Variants in HORMAD2 observed in about 807,000 individuals in gnomAD.
HORMAD2 encodes HORMA domain containing 2, also known as HORMA domain-containing protein 2.
In HORMAD2, 45 loss-of-function variants were observed where a neutral mutation model predicts 38.8. The ratio of observed to expected loss-of-function variants is 1.16; its 90% CI spans 0.91 to 1.49. The LOEUF (loss-of-function observed/expected upper bound fraction) is 1.49. Ranked by LOEUF, HORMAD2 falls within the 40% of genes most tolerant of loss-of-function variation. The pLI, the probability that HORMAD2 is intolerant of heterozygous loss-of-function variation, is 0.00. For missense variants in HORMAD2, 338 were observed against 367.0 expected (o/e 0.92, Z 0.65); for synonymous variants, 126 against 122.8 (o/e 1.03, Z -0.17).
At chr22:30,182,136 AC>A in the HORMAD2 span, among the ~76,000 whole-genome samples, 1 of 152,170 alleles carries the variant, frequency 6.6e-6, no homozygotes. Flanking sequence ...CACCCTACTT[AC>A]TAGCTGTATG....
At chr22:30,141,315 G>C (rs2146180201) in intron 10 of HORMAD2, among the ~76,000 whole-genome samples, 1 of 152,156 alleles carries the variant, frequency 6.6e-6, no homozygotes. Context: ...TTTATTCTTT[G>C]ATCCATTGGT....
chr22:30,087,723 A>G (rs1215680643), intron 1 of HORMAD2, among the ~76,000 whole-genome samples: 2 of 123,702 alleles, frequency 1.6e-5, no homozygotes, highest in Non-Finnish European at 3.6e-5. Flanking sequence ...GAGAGAGAGG[A>G]AAAAAAAAAA....
chr22:30,122,033 A>G lies in HORMAD2; in HGVS notation c.638A>G (p.Lys213Arg), dbSNP rs772919728. The stretch of plus-strand genomic sequence containing the variant: ...AATTCACACTTCCTGCTGTTTGACA[A>G]GGAGCCTATCAACGTGCAAGTGGGA... The part of the protein sequence containing the change: ...GVNSHFLLFD[K>R]EPINVQVGFV... Residue 213 changes from lysine (K) to arginine (R), a missense_variant, in exon 10 of 11, where the codon AAG becomes AGG. Physicochemically the swap from Lys to Arg is conservative, Grantham distance 26. Coordinates refer to ENST00000336726, the MANE Select transcript of HORMAD2 (RefSeq NM_152510.4). The G allele has an allele frequency of 6.8e-6, 11 of 1,613,066 alleles. No homozygotes were observed. The highest frequency in any genetic ancestry group is 9.3e-6 in the Non-Finnish European group (11 of 1,179,666).
intron 3 of HORMAD2, among the ~76,000 whole-genome samples, chr22:30,102,929 C>G (rs1920962955): frequency 6.6e-6 from 1 of 152,076 alleles, no homozygotes; most frequent in South Asian, 2.1e-4. Context: ...CACACCCGGC[C>G]TAAACCCAAA....
the HORMAD2 span, among the ~76,000 whole-genome samples, chr22:30,183,580 C>G: frequency 5.9e-5 from 9 of 152,226 alleles, no homozygotes; most frequent in Non-Finnish European, 7.3e-5. Flanking sequence ...CTGCTTTTAT[C>G]TCAATTTCTG....
intron 10 of HORMAD2, among the ~76,000 whole-genome samples, chr22:30,155,064 C>A (rs1924979329): frequency 6.8e-6 from 1 of 148,058 alleles, no homozygotes; most frequent in Admixed American, 6.7e-5. Flanking sequence ...CAAAGTGAGA[C>A]CTTGCTTTTT....
At chr22:30,112,359 A>T (rs573120734) in intron 6 of HORMAD2, 137 bp from the exon 7 acceptor site, 6 of 588,444 alleles carry the variant, frequency 1.0e-5, no homozygotes, top group Non-Finnish European at 1.8e-5. Flanking sequence ...AAATAAGCAT[A>T]TCCTATCTCT....
upstream of HORMAD2, among the ~76,000 whole-genome samples, chr22:30,078,693 G>C (rs1200902901): frequency 6.6e-6 from 1 of 150,788 alleles, no homozygotes; most frequent in African/African-American, 2.5e-5. Flanking sequence ...TGTGTTTGCT[G>C]GTGGGGTAGA....
intron 10 of HORMAD2, among the ~76,000 whole-genome samples, chr22:30,175,678 C>T (rs970388195): frequency 6.6e-6 from 1 of 152,084 alleles, no homozygotes; most frequent in Admixed American, 6.6e-5. Context: ...TATGTCTCTG[C>T]TACCTGAAAT....
chr22:30,141,971 TG>T (rs1365807353), intron 10 of HORMAD2, among the ~76,000 whole-genome samples: 2 of 152,142 alleles, frequency 1.3e-5, no homozygotes, highest in African/African-American at 4.8e-5. Flanking sequence ...GTTTACGGGC[TG>T]GGTGCGATAG....
intron 5 of HORMAD2, among the ~76,000 whole-genome samples, chr22:30,106,072 G>A (rs538203574): frequency 1.3e-5 from 2 of 152,146 alleles, no homozygotes; most frequent in Non-Finnish European, 2.9e-5. Context: ...GTGCAGTGGC[G>A]CAAACTTGGC....
intron 10 of HORMAD2, among the ~76,000 whole-genome samples, chr22:30,174,791 A>C (rs776110225): frequency 6.6e-6 from 1 of 152,182 alleles, no homozygotes; most frequent in Non-Finnish European, 1.5e-5. Context: ...TAACAAATTC[A>C]TCTCCTAGAT....
At chr22:30,194,701 G>A in the HORMAD2 span, among the ~76,000 whole-genome samples, 5 of 152,146 alleles carry the variant, frequency 3.3e-5, no homozygotes, top group African/African-American at 9.7e-5. Context: ...AGGTCACAAC[G>A]GGGAACTGAC....
chr22:30,109,064 G>T (rs1444804621), intron 5 of HORMAD2, among the ~76,000 whole-genome samples: 1 of 138,266 alleles, frequency 7.2e-6, no homozygotes, highest in East Asian at 2.3e-4. Flanking sequence ...TCTCTCTGTT[G>T]CCCAGGCTGG....
chr22:30,165,213 A>G (rs1410551924), intron 10 of HORMAD2, among the ~76,000 whole-genome samples: 1 of 152,152 alleles, frequency 6.6e-6, no homozygotes, highest in Non-Finnish European at 1.5e-5. Flanking sequence ...TCATTTGACC[A>G]TATACATGAG....
intron 1 of HORMAD2, among the ~76,000 whole-genome samples, chr22:30,087,850 G>C (rs1434914091): frequency 6.6e-6 from 1 of 152,100 alleles, no homozygotes; most frequent in East Asian, 1.9e-4. Context: ...AGATGATCCA[G>C]TTATCTCCTA....
At chr22:30,094,132 G>A (rs2068740166) in intron 2 of HORMAD2, 129 bp downstream of exon 2, 1 of 631,612 alleles carries the variant, frequency 1.6e-6, no homozygotes, top group East Asian at 3.0e-5. Flanking sequence ...AATATTCTGG[G>A]AGAGTATGTG....
intron 7 of HORMAD2, among the ~76,000 whole-genome samples, chr22:30,117,588 A>C (rs1178460998): frequency 6.6e-6 from 1 of 151,992 alleles, no homozygotes; most frequent in East Asian, 1.9e-4. Flanking sequence ...GGCTCACTGC[A>C]ACCTCTGCTT....
At chr22:30,080,304 C>T (rs1408184576), upstream of HORMAD2, 3 of 152,416 alleles carry the variant, frequency 2.0e-5, no homozygotes, top group African/African-American at 7.2e-5. Flanking sequence ...TTCGCCCCTG[C>T]TTTGCATATT....
Sources: allele counts gnomAD v4.1 joint callset (sites outside exome capture counted in the v4.1 genomes callset), GRCh38; gene constraint gnomAD v4.1.1; transcripts MANE v1.5; gene names NCBI Gene and HGNC (gene_info 2026-07-23, HGNC 2026-07-21).